The following RELN variants were observed in gnomAD, a reference collection of about 807,000 sequenced individuals.
RELN encodes reelin.
Under a neutral mutation model 427.6 loss-of-function variants are expected in RELN, and 108 were observed. The ratio of observed to expected loss-of-function variants is 0.25; its 90% CI spans 0.22 to 0.30. RELN has a LOEUF of 0.30. Among genes scored for constraint, RELN ranks in the 10% least tolerant of loss-of-function variants. The pLI, the probability that RELN is intolerant of heterozygous loss-of-function variation, is 1.00. For synonymous variants in RELN, 1,524 were observed against 1,513.4 expected, an observed-to-expected ratio of 1.01 and a Z score of -0.16; for missense variants, 3,715 against 4,302.8, an observed-to-expected ratio of 0.86 and a Z score of 3.82.
intron 1 of RELN, among the ~76,000 whole-genome samples, chr7:103,944,393 G>A (rs1796178858): frequency 6.6e-6 from 1 of 152,080 alleles, no homozygotes; most frequent in Admixed American, 6.6e-5. Context: ...ACTGCCTTCG[G>A]TCCTTTGCCA....
At chr7:103,567,083 T>C (rs1361276310) in intron 31 of RELN, among the ~76,000 whole-genome samples, 1 of 152,214 alleles carries the variant, frequency 6.6e-6, no homozygotes, top group Non-Finnish European at 1.5e-5. Flanking sequence ...GTTCTGAACA[T>C]TACAAAGTCT....
chr7:103,521,891 C>A, intron 48 of RELN, 131 bp downstream of exon 48: 1 of 858,140 alleles, frequency 1.2e-6, no homozygotes. Flanking sequence ...GTTGCAAGTT[C>A]AGATCAGGGT....
intron 1 of RELN, among the ~76,000 whole-genome samples, chr7:103,977,126 C>A (rs1424713382): frequency 6.6e-6 from 1 of 151,888 alleles, no homozygotes; most frequent in Non-Finnish European, 1.5e-5. Flanking sequence ...GCCTGGCCAA[C>A]ATGGTGAAAC....
At chr7:103,556,942 C>G in intron 38 of RELN, 35 bp downstream of exon 38, 2 of 1,523,798 alleles carry the variant, frequency 1.3e-6, no homozygotes, top group Non-Finnish European at 9.1e-7. Context: ...ATGCCACTAT[C>G]AGTTCTGATC....
chr7:103,562,392 C>T (rs962875758), intron 34 of RELN, among the ~76,000 whole-genome samples: 5 of 152,106 alleles, frequency 3.3e-5, no homozygotes, highest in Admixed American at 2.0e-4. Context: ...TTTACTGTCC[C>T]GGAATGGTTT....
chr7:103,518,505 G>GTTCTTTTTTTTTTTTTTTT (rs1829625232), intron 49 of RELN, among the ~76,000 whole-genome samples: 1 of 114,404 alleles, frequency 8.7e-6, no homozygotes, highest in African/African-American at 4.6e-5. Context: ...GGTAATTTAA[G>GTTCTTTTTTTTTTTTTTTT]TTTTTTTTTT....
chr7:103,689,540 A>G (rs1256214722), intron 10 of RELN, among the ~76,000 whole-genome samples: 1 of 152,064 alleles, frequency 6.6e-6, no homozygotes, highest in Non-Finnish European at 1.5e-5. Flanking sequence ...GTGTTCAAAG[A>G]TGATTCACGC....
intron 2 of RELN, among the ~76,000 whole-genome samples, chr7:103,847,069 G>A (rs536099526): frequency 6.6e-6 from 1 of 152,254 alleles, no homozygotes; most frequent in South Asian, 2.1e-4. Flanking sequence ...CCATCACTGG[G>A]TATATACCCA....
At position 103,968,207 on chromosome 7, in the gene RELN, A is replaced by G. The variant is rs903286483; in HGVS notation, c.226+20924T>C. The stretch of plus-strand genomic sequence containing the variant: ...GAAAATAAATAATTTTCCCCCAAAC[A>G]AGAAAAATATATTGGGAGGCTAAAC... On this transcript the variant is annotated intron_variant, in intron 1 of 64. Transcript: ENST00000428762. The surrounding 1 kb of genome is among the most constrained non-coding windows in gnomAD (Gnocchi z 4.3). 9.2e-5 allele frequency among the ~76,000 whole-genome samples: 14 copies of G among 152,214 alleles called. No individual in the cohort carries two copies. In the East Asian group the frequency reaches 2.7e-3, roughly 29 times the overall value.
chr7:103,755,738 C>T (rs1791128859), intron 4 of RELN, among the ~76,000 whole-genome samples: 1 of 5,114 alleles, frequency 2.0e-4, no homozygotes, highest in African/African-American at 6.6e-4. Context: ...ATGGCGTGAA[C>T]TTGGGAAGCG....
At chr7:103,964,295 T>C (rs778940014) in intron 1 of RELN, among the ~76,000 whole-genome samples, 2 of 152,198 alleles carry the variant, frequency 1.3e-5, no homozygotes, top group Non-Finnish European at 2.9e-5. Context: ...CCTTTTGTGA[T>C]CAATATCAAT....
intron 31 of RELN, among the ~76,000 whole-genome samples, chr7:103,570,826 TTTAGAGGTTTATTATTA>T (rs1177575330): frequency 3.3e-5 from 5 of 152,178 alleles, no homozygotes; most frequent in South Asian, 2.1e-4. Flanking sequence ...CCCACTGATA[TTTAGAGGTTTATTATTA>T]TTAGAGGTTT....
chr7:103,720,613 CAT>C (rs1406958084), intron 8 of RELN, among the ~76,000 whole-genome samples: 1 of 152,028 alleles, frequency 6.6e-6, no homozygotes, highest in Non-Finnish European at 1.5e-5. Context: ...GAATTGTTAA[CAT>C]ATAGTTTTTT....
chr7:103,805,060 C>T (rs1462077704), intron 3 of RELN, among the ~76,000 whole-genome samples: 11 of 143,956 alleles, frequency 7.6e-5, no homozygotes. Context: ...ATATATATTC[C>T]CTCAGGTTGA....
At chr7:103,593,924 G>A (rs377537661) in intron 26 of RELN, 42 bp from the exon 27 acceptor site, 1 of 1,468,968 alleles carries the variant, frequency 6.8e-7, no homozygotes, top group African/African-American at 1.4e-5. Flanking sequence ...CAATTTGATA[G>A]CTTTGAAAAC....
At chr7:103,526,837 C>T (rs928793527) in intron 46 of RELN, among the ~76,000 whole-genome samples, 1 of 151,992 alleles carries the variant, frequency 6.6e-6, no homozygotes, top group Non-Finnish European at 1.5e-5. Flanking sequence ...TGGAGTTCCT[C>T]GGCAGGTGTT....
At chr7:103,804,545 G>C (rs866476449) in intron 3 of RELN, among the ~76,000 whole-genome samples, 1 of 152,106 alleles carries the variant, frequency 6.6e-6, no homozygotes, top group Non-Finnish European at 1.5e-5. Flanking sequence ...CAGCTTCCAG[G>C]TTAGAATATG....
intron 3 of RELN, among the ~76,000 whole-genome samples, chr7:103,805,911 T>C (rs1033446410): frequency 2.6e-5 from 4 of 152,136 alleles, no homozygotes; most frequent in African/African-American, 9.7e-5. Context: ...GGAAGGAGCA[T>C]TGACTCACTA....
chr7:103,838,771 G>C (rs1240126886), intron 2 of RELN, among the ~76,000 whole-genome samples: 2 of 152,200 alleles, frequency 1.3e-5, no homozygotes, highest in African/African-American at 4.8e-5. Flanking sequence ...ATGGTCAAAT[G>C]CCTCCTGATT....
Sources: gnomAD v4.1 joint callset for allele counts (sites outside exome capture counted in the v4.1 genomes callset) on GRCh38, gnomAD v4.1.1 for gene constraint, Gnocchi (gnomAD v3.1) non-coding constraint, MANE v1.5 for transcripts, NCBI Gene and HGNC (gene_info 2026-07-23, HGNC 2026-07-21) for gene names.